The following HIPK2 variants were observed in gnomAD, a reference collection of about 807,000 sequenced individuals.
HIPK2 encodes homeodomain interacting protein kinase 2, also known as homeodomain-interacting protein kinase 2.
Under a neutral mutation model 113.7 loss-of-function variants are expected in HIPK2, and 27 were observed. The ratio of observed to expected loss-of-function variants is 0.24; its 90% CI spans 0.17 to 0.33. The LOEUF (loss-of-function observed/expected upper bound fraction) is 0.33. Ranked by LOEUF, HIPK2 falls within the 10% of genes least tolerant of loss-of-function variation. The pLI, the probability that HIPK2 is intolerant of heterozygous loss-of-function variation, is 1.00. For missense variants in HIPK2, 1,257 were observed against 1,588.0 expected (o/e 0.79, Z 3.54); for synonymous variants, 631 against 642.2 (o/e 0.98, Z 0.26).
intron 9 of HIPK2, among the ~76,000 whole-genome samples, chr7:139,605,120 A>T (rs992981688): frequency 6.6e-6 from 1 of 152,218 alleles, no homozygotes; most frequent in Non-Finnish European, 1.5e-5. Context: ...CTTAATTGAG[A>T]ATTACTTTGA....
intron 2 of HIPK2, among the ~76,000 whole-genome samples, chr7:139,658,428 CA>C (rs1801749811): frequency 6.6e-6 from 1 of 152,102 alleles, no homozygotes; most frequent in African/African-American, 2.4e-5. Flanking sequence ...GTATGCTACA[CA>C]AATGGCCATG....
intron 2 of HIPK2, among the ~76,000 whole-genome samples, chr7:139,659,988 T>C (rs576967670): frequency 1.3e-5 from 2 of 152,256 alleles, no homozygotes; most frequent in South Asian, 2.1e-4. Flanking sequence ...AATTTGAATT[T>C]TGAAATTCGG....
chr7:139,767,464 A>T (rs923403420), intron 1 of HIPK2, among the ~76,000 whole-genome samples: 3 of 152,228 alleles, frequency 2.0e-5, no homozygotes, highest in African/African-American at 4.8e-5. Context: ...CTGTGGGTAG[A>T]CAAGTGGGAA....
At chr7:139,647,774 T>TA (rs1213911793) in intron 2 of HIPK2, among the ~76,000 whole-genome samples, 2 of 152,150 alleles carry the variant, frequency 1.3e-5, no homozygotes, top group Non-Finnish European at 2.9e-5. Flanking sequence ...ATTAAACCCA[T>TA]AAAAAAACCT....
intron 2 of HIPK2, among the ~76,000 whole-genome samples, chr7:139,667,898 T>C (rs1172800767): frequency 6.6e-6 from 1 of 151,888 alleles, no homozygotes; most frequent in Non-Finnish European, 1.5e-5. Flanking sequence ...GAGGCCGAGA[T>C]GGGTGGATCA....
intron 1 of HIPK2, among the ~76,000 whole-genome samples, chr7:139,723,320 A>G (rs1336014144): frequency 6.6e-6 from 1 of 151,800 alleles, no homozygotes; most frequent in Non-Finnish European, 1.5e-5. Flanking sequence ...CAGCCTCCCA[A>G]GTAGCTGGGA....
intron 12 of HIPK2, among the ~76,000 whole-genome samples, chr7:139,586,885 C>G (rs562446746): frequency 6.0e-4 from 91 of 152,074 alleles, no homozygotes; most frequent in African/African-American, 2.1e-3. Context: ...CTAGAACAGG[C>G]AAATTCATAC....
chr7:139,710,079 C>G (rs981491317), intron 2 of HIPK2, among the ~76,000 whole-genome samples: 2 of 150,960 alleles, frequency 1.3e-5, no homozygotes, highest in African/African-American at 4.9e-5. Context: ...TTTTTTTTTT[C>G]TTTGCCATTC....
At position 139,763,241 on chromosome 7, in the gene HIPK2, G is replaced by A. The variant is rs531382694; in HGVS notation, c.19+14364C>T. Among the ~76,000 whole-genome samples, 310 of 152,330 alleles carry A rather than the reference G, an allele frequency of 2.0e-3. 1 individual carries two copies. Among genetic ancestry groups the A allele is most frequent in the Non-Finnish European group, 2.8e-3 (192 of 68,030 alleles). ...TCAGGATTTTCTTCCAAGTGTGATG[G>A]AAAGCAGTTGGACATCTGAAGTACG... On this transcript the variant is annotated intron_variant, in intron 1 of 14. Transcript: ENST00000406875.
intron 1 of HIPK2, among the ~76,000 whole-genome samples, chr7:139,727,106 C>G (rs1475445560): frequency 6.6e-6 from 1 of 152,108 alleles, no homozygotes; most frequent in Non-Finnish European, 1.5e-5. Flanking sequence ...ATGGAGTCCC[C>G]GTGGGTAAAG....
At chr7:139,609,916 C>T (rs1799755232) in intron 9 of HIPK2, among the ~76,000 whole-genome samples, 6 of 152,212 alleles carry the variant, frequency 3.9e-5, no homozygotes, top group Admixed American at 3.9e-4. Context: ...TTTACGTGTG[C>T]ATCAACTTAT....
At chr7:139,767,344 T>C (rs1335444147) in intron 1 of HIPK2, among the ~76,000 whole-genome samples, 2 of 152,218 alleles carry the variant, frequency 1.3e-5, no homozygotes, top group Non-Finnish European at 2.9e-5. Context: ...CCAAAGAAGG[T>C]TCTGTGTGTA....
At chr7:139,592,554 T>C (rs924013024) in intron 12 of HIPK2, among the ~76,000 whole-genome samples, 13 of 152,240 alleles carry the variant, frequency 8.5e-5, no homozygotes, top group African/African-American at 2.9e-4. Context: ...CTGGGCAACA[T>C]AGTGAGACAC....
rs1798173187 is a variant in HIPK2 at position 139,568,883 on chromosome 7, A to ATGTT, written c.*4040_*4043dup. On this transcript the variant is annotated 3_prime_UTR_variant, in exon 15 of 15. Transcript: ENST00000406875. Reference sequence around the variant, plus strand: ...GTGAGGACTAGGAGAATGTGCACTAATGTTTGCTGAGCGTCTGTGGGGCTG... The same window carrying ATGTT: ...GTGAGGACTAGGAGAATGTGCACTAATGTTTGTTTGCTGAGCGTCTGTGGGGCTG... 6.6e-6 allele frequency: 1 copy of ATGTT among 152,342 alleles called. No individual in the cohort carries two copies. Among genetic ancestry groups the ATGTT allele is most frequent in the African/African-American group, 2.4e-5 (1 of 41,544 alleles). The allele number at this position is 152,342 out of a possible 1,614,324, so 9.4% of individuals were successfully genotyped here. A position where few individuals can be genotyped will look rare whatever the true frequency, so the allele number is the denominator to read the frequency against.
chr7:139,731,022 A>T (rs532170130), intron 1 of HIPK2, among the ~76,000 whole-genome samples: 2 of 152,230 alleles, frequency 1.3e-5, no homozygotes, highest in East Asian at 3.9e-4. Context: ...GGCCCTGCCA[A>T]CTCCTCCAAA....
intron 1 of HIPK2, among the ~76,000 whole-genome samples, chr7:139,747,692 G>A (rs1408257057): frequency 6.6e-6 from 1 of 152,226 alleles, no homozygotes; most frequent in African/African-American, 2.4e-5. Context: ...AGCCAAGCCA[G>A]GGTGACCCAT....
chr7:139,697,926 T>C (rs1415508864), intron 2 of HIPK2, among the ~76,000 whole-genome samples: 1 of 151,522 alleles, frequency 6.6e-6, no homozygotes, highest in South Asian at 2.1e-4. Context: ...CTGGAGTGCA[T>C]TGGCACGATC....
chr7:139,774,118 G>A (rs1047686000), intron 1 of HIPK2, among the ~76,000 whole-genome samples: 1 of 152,168 alleles, frequency 6.6e-6, no homozygotes, highest in African/African-American at 2.4e-5. Context: ...AAAGGGAATC[G>A]CAGGAGATTA....
chr7:139,655,325 G>A (rs947415209), intron 2 of HIPK2, among the ~76,000 whole-genome samples: 3 of 152,252 alleles, frequency 2.0e-5, no homozygotes, highest in Non-Finnish European at 2.9e-5. Context: ...ACAAATGTCA[G>A]TCTTCCCTTT....
Sources: gnomAD v4.1 joint callset for allele counts (sites outside exome capture counted in the v4.1 genomes callset) on GRCh38, gnomAD v4.1.1 for gene constraint, MANE v1.5 for transcripts, NCBI Gene and HGNC (gene_info 2026-07-23, HGNC 2026-07-21) for gene names.